Variants in MTMR2 observed in about 807,000 individuals in gnomAD.
MTMR2 encodes myotubularin related protein 2, also known as phosphatidylinositol-3,5-bisphosphate 3-phosphatase MTMR2.
In MTMR2, 55 loss-of-function variants were observed where a neutral mutation model predicts 86.9. The ratio of observed to expected loss-of-function variants is 0.63; its 90% CI spans 0.51 to 0.79. MTMR2 has a LOEUF of 0.79. Among genes scored for constraint, MTMR2 ranks in the 30% least tolerant of loss-of-function variants. The pLI, the probability that MTMR2 is intolerant of heterozygous loss-of-function variation, is 0.00. For synonymous variants in MTMR2, 241 were observed against 266.8 expected (o/e 0.90, Z 0.94); for missense variants, 659 against 772.3 (o/e 0.85, Z 1.74).
intron 1 of MTMR2, among the ~76,000 whole-genome samples, chr11:95,898,515 A>AAC (rs573847198): frequency 0.031 from 4,729 of 152,024 alleles, 128 homozygotes; most frequent in South Asian, 0.073. Flanking sequence ...TGTCTCTACA[A>AAC]ACACACACAC....
chr11:95,905,226 T>A (rs957872157), intron 1 of MTMR2, among the ~76,000 whole-genome samples: 5 of 152,042 alleles, frequency 3.3e-5, no homozygotes, highest in Admixed American at 3.3e-4. Context: ...TTATCTTCTC[T>A]ACGTACTCCT....
At chr11:95,851,747 A>T (rs1299908614) in intron 7 of MTMR2, among the ~76,000 whole-genome samples, 1 of 152,250 alleles carries the variant, frequency 6.6e-6, no homozygotes, top group African/African-American at 2.4e-5. Context: ...TATCGCTTAC[A>T]TACGTAAAGT....
chr11:95,918,045 C>T (rs1371929436), intron 1 of MTMR2, among the ~76,000 whole-genome samples: 5 of 152,140 alleles, frequency 3.3e-5, no homozygotes, highest in Non-Finnish European at 5.9e-5. Flanking sequence ...TCTAATAAAT[C>T]GACAAGAGAT....
At chr11:95,917,888 C>T (rs547046752) in intron 1 of MTMR2, among the ~76,000 whole-genome samples, 1 of 152,162 alleles carries the variant, frequency 6.6e-6, no homozygotes, top group South Asian at 2.1e-4. Flanking sequence ...CCATGTGGTT[C>T]GAGGGTCAAC....
chr11:95,913,194 T>C (rs1053732793), intron 1 of MTMR2: 1 of 152,114 alleles, frequency 6.6e-6, no homozygotes, highest in Non-Finnish European at 1.5e-5. Context: ...ATACATCCTA[T>C]AAGCAGAGGG....
intron 9 of MTMR2, 86 bp downstream of exon 9, chr11:95,849,588 C>A: frequency 8.3e-7 from 1 of 1,210,176 alleles, no homozygotes; most frequent in East Asian, 2.3e-5. Context: ...CACTGTAGAG[C>A]CTGAGCTCTT....
chr11:95,865,287 A>C (rs553205788), intron 3 of MTMR2, among the ~76,000 whole-genome samples: 1 of 152,260 alleles, frequency 6.6e-6, no homozygotes, highest in African/African-American at 2.4e-5. Context: ...CAAAATAATA[A>C]AATTTTCCTT....
At chr11:95,867,156 G>A (rs185878632) in intron 2 of MTMR2, among the ~76,000 whole-genome samples, 12 of 152,122 alleles carry the variant, frequency 7.9e-5, no homozygotes, top group Non-Finnish European at 1.3e-4. Flanking sequence ...AATCAACCAC[G>A]TGAAAGATTA....
chr11:95,844,821 C>A, intron 11 of MTMR2, 132 bp downstream of exon 11: 1 of 843,772 alleles, frequency 1.2e-6, no homozygotes, highest in Non-Finnish European at 1.9e-6. Flanking sequence ...CTTTCCAAAA[C>A]AAGCAAAAAC....
At chr11:95,857,742 C>A in intron 6 of MTMR2, 107 bp from the exon 7 acceptor site, 2 of 730,772 alleles carry the variant, frequency 2.7e-6, no homozygotes, top group Non-Finnish European at 4.9e-6. Context: ...TCTGCAAGAA[C>A]ATTTTATGTA....
intron 2 of MTMR2, chr11:95,866,290 C>T (rs1460074491): frequency 1.9e-5 from 3 of 155,170 alleles, no homozygotes; most frequent in African/African-American, 7.2e-5. Flanking sequence ...AGAAACAGTT[C>T]TCTAAAGGAG....
rs1482262619 is a variant in MTMR2, at chr11:95,850,517, G to A, written c.804+83C>T. 9 of 1,351,920 alleles carry A rather than the reference G, an allele frequency of 6.7e-6. 1 individual carries two copies. The Admixed American group carries it at 1.5e-4, about 23-fold the overall frequency. 83.7% of individuals were successfully genotyped at this position (1,351,920 alleles called of 1,614,324 possible). A position where few individuals can be genotyped will look rare whatever the true frequency, so the allele number is the denominator to read the frequency against. ...CTGCTGCTGTAGCTATTTATATCCTGAATCCATTCTCCTACTCATTAATCT... is the reference window on the plus strand; with the variant it reads ...CTGCTGCTGTAGCTATTTATATCCTAAATCCATTCTCCTACTCATTAATCT... On this transcript the variant is annotated intron_variant, in intron 8 of 14. Coordinates refer to ENST00000346299, the MANE Select transcript of MTMR2 (RefSeq NM_016156.6).
Position 95,888,144 on chromosome 11 carries a change from T to G in MTMR2, c.186+12A>C. On this transcript the variant is annotated intron_variant, in intron 2 of 14. Transcript: ENST00000346299. ...AAAGTACTTCATCAGAACTTTAAAA[T>G]AGTATACATACCCTCAAATCAGGAG... 1 of 1,562,572 alleles carries G rather than the reference T, an allele frequency of 6.4e-7. No individual in the cohort carries two copies. The highest frequency in any genetic ancestry group is 8.8e-7 in the Non-Finnish European group (1 of 1,136,888).
At chr11:95,859,356 G>C (rs1451165532) in intron 5 of MTMR2, among the ~76,000 whole-genome samples, 4 of 152,188 alleles carry the variant, frequency 2.6e-5, no homozygotes, top group Non-Finnish European at 5.9e-5. Context: ...ACTGAATGCA[G>C]TTATTCATGT....
At chr11:95,857,442 TG>T in intron 7 of MTMR2, 109 bp downstream of exon 7, 1 of 732,692 alleles carries the variant, frequency 1.4e-6, no homozygotes, top group Non-Finnish European at 2.4e-6. Context: ...CTTAATGTGG[TG>T]AATTACTGTG....
intron 1 of MTMR2, among the ~76,000 whole-genome samples, chr11:95,904,228 T>TACTG (rs1385859971): frequency 2.0e-5 from 3 of 152,348 alleles, no homozygotes; most frequent in African/African-American, 7.2e-5. Flanking sequence ...CTCCTCCAGT[T>TACTG]ACTGCATCAT....
At position 95,865,686 on chromosome 11, in the gene MTMR2, G is replaced by C; in HGVS notation, c.187-10C>G. ...TAGACTCCCTCAGGACCTGGGGTGG[G>C]AAAGACAAAAAAAGAAACATTTTTT... is the stretch of plus-strand genomic sequence containing the variant. On this transcript the variant is annotated splice_polypyrimidine_tract_variant and intron_variant, in intron 2 of 14. Coordinates refer to ENST00000346299, the MANE Select transcript of MTMR2 (RefSeq NM_016156.6). 2 of 1,590,320 alleles carry C rather than the reference G, an allele frequency of 1.3e-6. No homozygotes were observed. The highest frequency in any genetic ancestry group is 8.6e-7 in the Non-Finnish European group (1 of 1,161,208).
intron 2 of MTMR2, among the ~76,000 whole-genome samples, chr11:95,869,918 G>A (rs555561): frequency 0.11 from 17,032 of 152,018 alleles, 3,190 homozygotes; most frequent in African/African-American, 0.39. Flanking sequence ...ACTGAAAAGG[G>A]GCATGATGAA....
chr11:95,883,609 T>C lies in MTMR2; in HGVS notation c.186+4547A>G, dbSNP rs142256268. ...TCCAAAACACATCTACCAGATTACA[T>C]CTGTATAAGACTTTTTCCATAACAA... On this transcript the variant is annotated intron_variant, in intron 2 of 14. Transcript: ENST00000346299. 5.9e-5 allele frequency among the ~76,000 whole-genome samples: 9 copies of C among 152,276 alleles called. No homozygotes were observed. The East Asian group carries it at 1.5e-3, about 26-fold the overall frequency.
Sources: gnomAD v4.1 joint callset for allele counts (sites outside exome capture counted in the v4.1 genomes callset) on GRCh38, gnomAD v4.1.1 for gene constraint, MANE v1.5 for transcripts, NCBI Gene and HGNC (gene_info 2026-07-23, HGNC 2026-07-21) for gene names.